Variants in SORL1 observed in about 807,000 individuals in gnomAD.
SORL1 encodes the protein sortilin related receptor 1, also known as sortilin-related receptor.
In SORL1, 127 loss-of-function variants were observed where a neutral mutation model predicts 273.7. That is an observed-to-expected ratio of 0.46 (90% CI 0.40 to 0.54). SORL1 has a LOEUF of 0.54. SORL1 is among the 20% of genes least tolerant of loss of function. SORL1 has a pLI of 0.00. For missense variants in SORL1, 2,494 were observed against 2,846.1 expected, an observed-to-expected ratio of 0.88 and a Z score of 2.81; for synonymous variants, 1,031 against 1,067.4, an observed-to-expected ratio of 0.97 and a Z score of 0.66.
intron 26 of SORL1, among the ~76,000 whole-genome samples, chr11:121,584,246 T>A (rs992753869): frequency 6.6e-6 from 1 of 152,260 alleles, no homozygotes; most frequent in Non-Finnish European, 1.5e-5. Context: ...AGGGATTACA[T>A]CAAATGTGTC....
chr11:121,632,945 C>T lies in SORL1; in HGVS notation c.*3382C>T, dbSNP rs1356325089. The T allele has an allele frequency of 6.6e-6, 1 of 152,050 alleles. No individual in the cohort carries two copies. Among genetic ancestry groups the T allele is most frequent in the Non-Finnish European group, 1.5e-5 (1 of 68,010 alleles). 9.4% of individuals were successfully genotyped at this position (152,050 alleles called of 1,614,324 possible). On this transcript the variant is annotated 3_prime_UTR_variant, in exon 48 of 48. Coordinates refer to ENST00000260197, the MANE Select transcript of SORL1 (RefSeq NM_003105.6). ...GACATAACTAAACTGAATATCATCCCATATTGATTTTAGGAATTGACTCTA... is the reference window on the plus strand; with the variant it reads ...GACATAACTAAACTGAATATCATCCTATATTGATTTTAGGAATTGACTCTA...
intron 6 of SORL1, among the ~76,000 whole-genome samples, chr11:121,500,459 A>G (rs1861694121): frequency 1.3e-5 from 2 of 152,342 alleles, no homozygotes; most frequent in East Asian, 1.9e-4. Context: ...CTAGGAAACT[A>G]TGGCCCACCA....
chr11:121,486,107 G>A (rs1367663659), intron 3 of SORL1, among the ~76,000 whole-genome samples: 2 of 152,238 alleles, frequency 1.3e-5, no homozygotes, highest in Admixed American at 6.5e-5. Context: ...GTCAGGTGGA[G>A]TCCATTCGAG....
intron 44 of SORL1, 138 bp from the exon 45 acceptor site, chr11:121,622,024 C>T (rs866847827): frequency 1.7e-6 from 1 of 597,432 alleles, no homozygotes; most frequent in African/African-American, 1.8e-5. Context: ...GTTCTGTACT[C>T]AGCAATCTAT....
chr11:121,607,796 A>G (rs1863501128), intron 37 of SORL1, among the ~76,000 whole-genome samples: 1 of 152,122 alleles, frequency 6.6e-6, no homozygotes, highest in South Asian at 2.1e-4. Flanking sequence ...CCCTTTTTGT[A>G]TATGTGTGTA....
At chr11:121,522,813 A>C in intron 10 of SORL1, 103 bp from the exon 11 acceptor site, 1 of 1,370,292 alleles carries the variant, frequency 7.3e-7, no homozygotes, top group Non-Finnish European at 1.0e-6. Context: ...TGTGGTTTGA[A>C]AGCATTCTTA....
rs1333751750 is a variant in SORL1 at position 121,605,165 on chromosome 11, T to C, written c.4704T>C (p.Ser1568=). The part of the protein sequence containing the change: ...VQNLQWTADF[S]GDVTLTWMRP... ...ATCTTCAGTGGACAGCTGACTTCTC[T>C]GGGGATGTGACTTTGACCTGGATGA... The change falls in exon 34 of 48, where the codon TCT becomes TCC. Residue 1568 remains serine, a synonymous_variant. Coordinates refer to ENST00000260197, the MANE Select transcript of SORL1 (RefSeq NM_003105.6). The C allele has an allele frequency of 6.2e-7, 1 of 1,613,738 alleles. No homozygotes were observed. Among genetic ancestry groups the C allele is most frequent in the South Asian group, 1.1e-5 (1 of 91,064 alleles).
Position 121,632,403 on chromosome 11 carries a change from A to G in SORL1, c.*2840A>G, listed in dbSNP as rs1007652843. 6.6e-6 allele frequency: 1 copy of G among 152,092 alleles called. No individual in the cohort carries two copies. The highest frequency in any genetic ancestry group is 1.5e-5 in the Non-Finnish European group (1 of 68,030). The allele number at this position is 152,092 out of a possible 1,614,324, so 9.4% of individuals were successfully genotyped here. On this transcript the variant is annotated 3_prime_UTR_variant, in exon 48 of 48. Transcript: ENST00000260197. Reference sequence around the variant, plus strand: ...GCAGTCCTAGTTCCAGACAGGTGAGAAGCTCCAGGAACTACTGGCTACCTT... The same window carrying G: ...GCAGTCCTAGTTCCAGACAGGTGAGGAGCTCCAGGAACTACTGGCTACCTT...
intron 26 of SORL1, among the ~76,000 whole-genome samples, chr11:121,585,407 C>T (rs576563460): frequency 1.7e-4 from 26 of 151,856 alleles, no homozygotes; most frequent in Non-Finnish European, 2.6e-4. Flanking sequence ...TGCTTGAGCA[C>T]GGGAGGTGGA....
At chr11:121,480,800 G>T (rs661867) in intron 3 of SORL1, among the ~76,000 whole-genome samples, 1 of 66,394 alleles carries the variant, frequency 1.5e-5, no homozygotes. Context: ...GATACCTATA[G>T]GCAAGCTCCA....
intron 5 of SORL1, among the ~76,000 whole-genome samples, chr11:121,494,125 AGAATTACTAGATAAGG>A (rs1430896124): frequency 2.6e-5 from 4 of 152,234 alleles, no homozygotes; most frequent in Non-Finnish European, 5.9e-5. Flanking sequence ...GCAAACCAGC[AGAATTACTAGATAAGG>A]GAACATACAA....
In SORL1 at chr11:121,604,470, G is replaced by T. The variant is rs529784063; in HGVS notation, c.4651+146G>T. On this transcript the variant is annotated intron_variant, in intron 33 of 47. Coordinates refer to ENST00000260197, the MANE Select transcript of SORL1 (RefSeq NM_003105.6). Reference sequence around the variant, plus strand: ...TAAAACAGATTTGTGCCTAGTTTTGGAGCCCCAAGTGAGGTGAGCCTTGGC... The same window carrying T: ...TAAAACAGATTTGTGCCTAGTTTTGTAGCCCCAAGTGAGGTGAGCCTTGGC... 1.1e-4 allele frequency: 122 copies of T among 1,114,024 alleles called. No individual in the cohort carries two copies. The African/African-American group carries it at 1.7e-3, about 16-fold the overall frequency. 69.0% of individuals were successfully genotyped at this position (1,114,024 alleles called of 1,614,324 possible).
chr11:121,536,606 G>T (rs1240921323), intron 12 of SORL1, among the ~76,000 whole-genome samples: 1 of 147,856 alleles, frequency 6.8e-6, no homozygotes, highest in African/African-American at 2.5e-5. Flanking sequence ...GACAGGTTTC[G>T]CCATGTTGCC....
At chr11:121,580,116 A>G (rs1354353325) in intron 25 of SORL1, among the ~76,000 whole-genome samples, 1 of 152,174 alleles carries the variant, frequency 6.6e-6, no homozygotes, top group Non-Finnish European at 1.5e-5. Context: ...TAGGTGTGGA[A>G]TTATTTTTAC....
chr11:121,600,273 C>A (rs532328063), intron 32 of SORL1, among the ~76,000 whole-genome samples: 11 of 152,290 alleles, frequency 7.2e-5, no homozygotes, highest in Non-Finnish European at 1.6e-4. Context: ...ATCACCTAGC[C>A]AGTACCAGAT....
At chr11:121,477,805 G>A (rs1001076317) in intron 2 of SORL1, among the ~76,000 whole-genome samples, 11 of 152,056 alleles carry the variant, frequency 7.2e-5, no homozygotes, top group Admixed American at 2.0e-4. Context: ...CAAGGCAGGC[G>A]GATCACAAGG....
chr11:121,507,669 T>G (rs1292962610), intron 6 of SORL1, among the ~76,000 whole-genome samples: 1 of 152,190 alleles, frequency 6.6e-6, no homozygotes, highest in Non-Finnish European at 1.5e-5. Context: ...GGCATTGTTC[T>G]CATACTGTCC....
Position 121,595,870 on chromosome 11 carries a change from T to A in SORL1, c.4519+98T>A. On this transcript the variant is annotated intron_variant, in intron 32 of 47. Transcript: ENST00000260197. The surrounding 1 kb of genome is among the most constrained non-coding windows in gnomAD (Gnocchi z 5.1). ...ATTTCTGGATCAGCACACGCCTGTG[T>A]GTGAGTCTGTGTACTTGCGTAACCA... The A allele has an allele frequency of 6.1e-6, 8 of 1,311,138 alleles. No homozygotes were observed. Among genetic ancestry groups the A allele is most frequent in the South Asian group, 1.4e-5 (1 of 73,906 alleles). 81.2% of individuals were successfully genotyped at this position (1,311,138 alleles called of 1,614,324 possible).
intron 21 of SORL1, among the ~76,000 whole-genome samples, chr11:121,560,105 G>A (rs935292193): frequency 6.6e-6 from 1 of 152,220 alleles, no homozygotes; most frequent in Non-Finnish European, 1.5e-5. Context: ...ACCTACCTCT[G>A]CTGGAATGGC....
Sources: allele counts gnomAD v4.1 joint callset (sites outside exome capture counted in the v4.1 genomes callset), GRCh38; gene constraint gnomAD v4.1.1; non-coding constraint Gnocchi (gnomAD v3.1); transcripts MANE v1.5; gene names NCBI Gene and HGNC (gene_info 2026-07-23, HGNC 2026-07-21).